The following ABCA7 variants were observed in gnomAD, a reference collection of about 807,000 sequenced individuals.
ABCA7 encodes the protein phospholipid-transporting ATPase ABCA7.
ABCA7 carries 261 observed loss-of-function variants against 227.6 expected under a neutral mutation model. The ratio of observed to expected loss-of-function variants is 1.15; its 90% confidence interval spans 1.04 to 1.27. The LOEUF is 1.27. Ranked by LOEUF, ABCA7 falls within the 50% of genes most tolerant of loss-of-function variation. ABCA7 has a pLI of 0.00. For missense variants in ABCA7, 3,331 were observed against 2,924.5 expected, an observed-to-expected ratio of 1.14 and a Z score of -3.21; for synonymous variants, 1,488 against 1,279.7, an observed-to-expected ratio of 1.16 and a Z score of -3.47.
chr19:1,051,396 C>A (rs1431565461), intron 20 of ABCA7, 53 bp from the exon 21 acceptor site: 2 of 716,338 alleles, frequency 2.8e-6, no homozygotes, highest in Admixed American at 4.3e-5. Context: ...GGGTAGGCAA[C>A]CTTGCCCAAG....
intron 11 of ABCA7, 21 bp downstream of exon 11, chr19:1,044,765 G>A (rs1391177389): frequency 4.4e-6 from 7 of 1,578,606 alleles, no homozygotes; most frequent in Admixed American, 1.8e-5. Flanking sequence ...GTCCACCTGC[G>A]GGGTCTGTTT....
chr19:1,046,746 C>T, intron 13 of ABCA7, 56 bp from the exon 14 acceptor site: 10 of 1,475,594 alleles, frequency 6.8e-6, no homozygotes, highest in South Asian at 1.2e-5. Flanking sequence ...AGATGGTGGG[C>T]GGAGGGGGGG....
rs1461126570 is a variant in ABCA7, at chr19:1,051,594, C to T, written c.2962+8C>T. 1.2e-6 allele frequency: 2 copies of T among 1,607,152 alleles called. No homozygotes were observed. The highest frequency in any genetic ancestry group is 1.7e-6 in the Non-Finnish European group (2 of 1,175,986). Reference sequence around the variant, plus strand: ...TGCTCAAATACCGAGAAGGTAAGAGCTGGGGATTCTGCTCGAGGGGCCAGA... The same window carrying T: ...TGCTCAAATACCGAGAAGGTAAGAGTTGGGGATTCTGCTCGAGGGGCCAGA... On this transcript the variant is annotated splice_region_variant and intron_variant, in intron 21 of 46. Coordinates refer to ENST00000263094, the MANE Select transcript of ABCA7 (RefSeq NM_019112.4).
Position 1,051,933 on chromosome 19 carries a change from C to G in ABCA7, c.2963-9C>G, listed in dbSNP as rs201435366. On this transcript the variant is annotated splice_polypyrimidine_tract_variant and intron_variant, in intron 21 of 46. Coordinates refer to ENST00000263094, the MANE Select transcript of ABCA7 (RefSeq NM_019112.4). ...TGATGGTAGTTGTGGGTTGGTCCCC[C>G]GTGCCTAGGTCGCACGCTGATCCTC... 1 of 1,609,700 alleles carries G rather than the reference C, an allele frequency of 6.2e-7. No homozygotes were observed. Among genetic ancestry groups the G allele is most frequent in the East Asian group, 2.2e-5 (1 of 44,872 alleles).
chr19:1,042,988 T>G (rs1165344363), intron 7 of ABCA7, 53 bp from the exon 8 acceptor site: 1 of 1,552,196 alleles, frequency 6.4e-7, no homozygotes, highest in Non-Finnish European at 8.7e-7. Context: ...CCTGCCCTGG[T>G]TAGGGCTTGG....
At position 1,045,279 on chromosome 19, in the gene ABCA7, G is replaced by T. The variant is rs199783650; in HGVS notation, c.1445+48G>T. ...GGGATGAGGGACTGGGCGGGGCCAAGAGCGTGGTGGGTGGGGCCAGGCAGC... is the reference window on the plus strand; with the variant it reads ...GGGATGAGGGACTGGGCGGGGCCAATAGCGTGGTGGGTGGGGCCAGGCAGC... On this transcript the variant is annotated intron_variant, in intron 12 of 46. Transcript: ENST00000263094. 1.6e-5 allele frequency: 24 copies of T among 1,514,348 alleles called. No individual in the cohort carries two copies. The South Asian group carries it at 2.7e-4, about 17-fold the overall frequency. The allele number at this position is 1,514,348 out of a possible 1,614,324, so 93.8% of individuals were successfully genotyped here. A position where few individuals can be genotyped will look rare whatever the true frequency, so the allele number is the denominator to read the frequency against.
chr19:1,061,740 G>T (rs1368968313), intron 40 of ABCA7, 42 bp from the exon 41 acceptor site: 1 of 1,564,458 alleles, frequency 6.4e-7, no homozygotes, highest in East Asian at 2.3e-5. Context: ...CGGAACCAGG[G>T]CCTGGGGCCT....
chr19:1,048,869 G>A, intron 16 of ABCA7, 26 bp from the exon 17 acceptor site: 3 of 1,411,276 alleles, frequency 2.1e-6, no homozygotes, highest in African/African-American at 2.9e-5. Flanking sequence ...GGTGGGCTAA[G>A]CAATAACCCG....
chr19:1,044,884 C>T, intron 11 of ABCA7, 118 bp from the exon 12 acceptor site: 2 of 1,469,912 alleles, frequency 1.4e-6, no homozygotes, highest in East Asian at 2.4e-5. Context: ...CAGGAGGGAG[C>T]CGGCCGTGGG....
chr19:1,050,796 A>G, intron 18 of ABCA7, 125 bp from the exon 19 acceptor site: 1 of 194,022 alleles, frequency 5.2e-6, no homozygotes, highest in Non-Finnish European at 7.8e-6. Context: ...AATAATAATA[A>G]TAATAATAAT....
chr19:1,050,051 G>C (rs375141336), intron 18 of ABCA7, among the ~76,000 whole-genome samples: 25 of 134,504 alleles, frequency 1.9e-4, no homozygotes, highest in African/African-American at 3.6e-4. Flanking sequence ...CCCCCGACCA[G>C]TCCCTCCCTG....
Position 1,051,765 on chromosome 19 carries a change from C to A in ABCA7, c.2963-177C>A, listed in dbSNP as rs534564201. On this transcript the variant is annotated intron_variant, in intron 21 of 46. Coordinates refer to ENST00000263094, the MANE Select transcript of ABCA7 (RefSeq NM_019112.4). ...TAAGAGTTGGGGATAGACAGAGGTT[C>A]CCCTGGATTCTGCCTGAAGGGCCAG... 2.0e-5 allele frequency among the ~76,000 whole-genome samples: 3 copies of A among 152,108 alleles called. No individual in the cohort carries two copies. The East Asian group carries it at 5.8e-4, about 29-fold the overall frequency.
At position 1,064,187 on chromosome 19, in the gene ABCA7, C is replaced by G. The variant is rs753300903; in HGVS notation, c.5978C>G (p.Ser1993Trp). 5 of 1,579,222 alleles carry G rather than the reference C, an allele frequency of 3.2e-6. No homozygotes were observed. In the African/African-American group the frequency reaches 6.8e-5, roughly 21 times the overall value. ...ATGGAGGAGTGTGAAGCGCTCTGCT[C>G]GCGCCTGGCCATCATGGTGAATGGG... ...HSMEECEALC[S>W]RLAIMVNGRF... Residue 1993 changes from serine to tryptophan, a missense_variant, in exon 45 of 47, where the codon TCG (serine) becomes TGG (tryptophan). Physicochemically the swap from Ser to Trp is radical, Grantham distance 177. Coordinates refer to ENST00000263094, the MANE Select transcript of ABCA7 (RefSeq NM_019112.4).
intron 12 of ABCA7, among the ~76,000 whole-genome samples, chr19:1,045,835 C>T (rs1048599005): frequency 1.3e-5 from 2 of 151,064 alleles, no homozygotes; most frequent in African/African-American, 4.9e-5. Flanking sequence ...CCTGCCTCTA[C>T]TAAAAAAAAA....
rs368018834 is a variant in ABCA7, at chr19:1,054,644, G to C, written c.3801G>C (p.Pro1267=). The C allele has an allele frequency of 2.5e-6, 4 of 1,613,342 alleles. No individual in the cohort carries two copies. The East Asian group carries it at 8.9e-5, about 36-fold the overall frequency. ...SLIVPPFGHY[P]ALRLSPTMYG... Reference sequence around the variant, plus strand: ...TCGTGCCTCCTTTCGGGCACTACCCGGCTCTGCGGCTCAGTCCCACCATGT... The same window carrying C: ...TCGTGCCTCCTTTCGGGCACTACCCCGCTCTGCGGCTCAGTCCCACCATGT... Residue 1267 remains proline, a synonymous_variant, in exon 28 of 47, where the codon CCG becomes CCC. Coordinates refer to ENST00000263094, the MANE Select transcript of ABCA7 (RefSeq NM_019112.4). This position sits in a 1 kb window ranked among gnomAD's most constrained non-coding sequence, Gnocchi z 4.8.
At chr19:1,052,483 A>AGAG (rs143411327) in intron 23 of ABCA7, among the ~76,000 whole-genome samples, 197 bp downstream of exon 23, 1 of 330 alleles carries the variant, frequency 3.0e-3, no homozygotes, top group Middle Eastern at 0.5. Context: ...AGTAGGAGGG[A>AGAG]GAGGAGGAGG....
In ABCA7 at chr19:1,061,692, T is replaced by C. The variant is rs2042664905; in HGVS notation, c.5464-90T>C. ...CCAGCCTGGGAAACAAGAGCAAAAC[T>C]TGGTCTCAAAAAAAAAAAAAAAAGA... is the stretch of plus-strand genomic sequence containing the variant. On this transcript the variant is annotated intron_variant, in intron 40 of 46. Transcript: ENST00000263094. The C allele has an allele frequency of 2.5e-6, 3 of 1,218,220 alleles. No homozygotes were observed. In the East Asian group the frequency reaches 7.6e-5, roughly 31 times the overall value. The allele number at this position is 1,218,220 out of a possible 1,614,324, so 75.5% of individuals were successfully genotyped here. A position where few individuals can be genotyped will look rare whatever the true frequency, so the allele number is the denominator to read the frequency against.
intron 42 of ABCA7, among the ~76,000 whole-genome samples, chr19:1,063,057 A>C (rs2042778189): frequency 1.5e-5 from 2 of 129,366 alleles, no homozygotes; most frequent in Admixed American, 7.8e-5. Context: ...GTCTCCACCC[A>C]CACCATGGCC....
At position 1,054,569 on chromosome 19, in the gene ABCA7, G is replaced by T; in HGVS notation, c.3727-1G>T. The T allele has an allele frequency of 6.2e-7, 1 of 1,608,646 alleles. No individual in the cohort carries two copies. Among genetic ancestry groups the T allele is most frequent in the South Asian group, 1.1e-5 (1 of 90,970 alleles). On this transcript the variant is annotated splice_acceptor_variant, in intron 27 of 46. Coordinates refer to ENST00000263094, the MANE Select transcript of ABCA7 (RefSeq NM_019112.4). LOFTEE classifies it high-confidence loss of function. This position sits in a 1 kb window ranked among gnomAD's most constrained non-coding sequence, Gnocchi z 4.8. The stretch of plus-strand genomic sequence containing the variant: ...CAGCAGCTGATGGGCTGGTCCCCCA[G>T]ATCGTGCTGCCTGCCCTCTTTGTGG...
Sources: allele counts gnomAD v4.1 joint callset (sites outside exome capture counted in the v4.1 genomes callset), GRCh38; gene constraint gnomAD v4.1.1; non-coding constraint Gnocchi (gnomAD v3.1); transcripts MANE v1.5; gene names NCBI Gene and HGNC (gene_info 2026-07-23, HGNC 2026-07-21).